The following CCDC88A variants were observed in gnomAD, a reference collection of about 807,000 sequenced individuals.
The protein encoded by CCDC88A is girdin.
A neutral mutation model predicts 234.3 loss-of-function variants in CCDC88A; 54 were observed. The observed-to-expected ratio is 0.23, with a 90% confidence interval of 0.19 to 0.29. The LOEUF is 0.29. Ranked by LOEUF, CCDC88A falls within the 10% of genes least tolerant of loss-of-function variation. The pLI, the probability that CCDC88A is intolerant of heterozygous loss-of-function variation, is 1.00. For missense variants in CCDC88A, 1,832 were observed against 2,123.4 expected (o/e 0.86, Z 2.70); for synonymous variants, 753 against 737.8 (o/e 1.02, Z -0.33).
intron 25 of CCDC88A, among the ~76,000 whole-genome samples, chr2:55,304,941 A>G (rs756650496): frequency 7.9e-5 from 12 of 152,240 alleles, no homozygotes; most frequent in Non-Finnish European, 1.5e-4. Flanking sequence ...ACTAACAAGT[A>G]TCATTTATTA....
chr2:55,355,720 C>T lies in CCDC88A; in HGVS notation c.659G>A (p.Gly220Asp). Residue 220 changes from glycine (G) to aspartate (D), a missense_variant, in exon 8 of 33, where the codon GGT becomes GAT. Physicochemically the swap from Gly to Asp is moderately conservative, Grantham distance 94. This residue lies in a region of CCDC88A where 1,282 missense variants were observed against 1,543.6 expected (regional missense o/e 0.83). Transcript: ENST00000436346. ...AGAGGCATGGGGTAGAAAATGGAGA[C>T]CATCCCGCTCTTCAGAGAGTTCTAT... Reference protein sequence around the residue: ...TIIELSEERDGLHFLPHASSS... With the variant: ...TIIELSEERDDLHFLPHASSS... The T allele has an allele frequency of 6.2e-7, 1 of 1,613,782 alleles. No homozygotes were observed.
chr2:55,412,956 C>T (rs530222624), intron 2 of CCDC88A, among the ~76,000 whole-genome samples: 1 of 152,262 alleles, frequency 6.6e-6, no homozygotes, highest in East Asian at 1.9e-4. Context: ...TAATGCCAGC[C>T]ACTTTGGGAA....
chr2:55,290,237 G>C lies in CCDC88A; in HGVS notation c.*963C>G, dbSNP rs1679351899. On this transcript the variant is annotated 3_prime_UTR_variant, in exon 33 of 33. Coordinates refer to ENST00000436346, the MANE Select transcript of CCDC88A (RefSeq NM_001365480.1). ...AGAAAAAAATCATTAATAAATGATA[G>C]CCTTAATTATAAATGAGTTTCTGGC... 1 of 152,360 alleles carries C rather than the reference G, an allele frequency of 6.6e-6. No homozygotes were observed. The highest frequency in any genetic ancestry group is 2.1e-4 in the South Asian group (1 of 4,828). 9.4% of individuals were successfully genotyped at this position (152,360 alleles called of 1,614,324 possible).
At chr2:55,391,994 A>G (rs1239793808) in intron 2 of CCDC88A, among the ~76,000 whole-genome samples, 2 of 152,162 alleles carry the variant, frequency 1.3e-5, no homozygotes, top group Non-Finnish European at 2.9e-5. Context: ...GACATTTTAG[A>G]AGGGTTGCAG....
At position 55,369,740 on chromosome 2, in the gene CCDC88A, T is replaced by C. The variant is rs150621122; in HGVS notation, c.402+2712A>G. On this transcript the variant is annotated intron_variant, in intron 5 of 32. Coordinates refer to ENST00000436346, the MANE Select transcript of CCDC88A (RefSeq NM_001365480.1). ...TGGCCCAACCACACTTCATGTTCCT[T>C]GAATAGGGTGTTTTCTCAACATCTT... Among the ~76,000 whole-genome samples, 8 of 152,190 alleles carry C rather than the reference T, an allele frequency of 5.3e-5. No individual in the cohort carries two copies. The East Asian group carries it at 1.5e-3, about 29-fold the overall frequency.
chr2:55,327,978 C>T (rs1684471125), intron 17 of CCDC88A, among the ~76,000 whole-genome samples: 1 of 152,088 alleles, frequency 6.6e-6, no homozygotes, highest in East Asian at 1.9e-4. Context: ...GAAAGAGTGA[C>T]AGAGTGAAAT....
intron 9 of CCDC88A, among the ~76,000 whole-genome samples, chr2:55,347,495 G>T (rs1457724572): frequency 1.3e-5 from 2 of 151,488 alleles, no homozygotes; most frequent in African/African-American, 4.9e-5. Flanking sequence ...TATTAAGCAA[G>T]GTATTAAAGA....
chr2:55,384,521 ATATATATATACATATATACG>A (rs746603233), intron 3 of CCDC88A, among the ~76,000 whole-genome samples: 10,175 of 20,964 alleles, frequency 0.49, 2,811 homozygotes, highest in Admixed American at 0.6. Flanking sequence ...TATATAAATT[ATATATATATACATATATACG>A]TATATATGTG....
chr2:55,352,075 G>A (rs1199517619), intron 8 of CCDC88A, among the ~76,000 whole-genome samples: 1 of 152,150 alleles, frequency 6.6e-6, no homozygotes, highest in Admixed American at 6.6e-5. Flanking sequence ...TGAGGGCAAA[G>A]GGGGACAGAC....
Position 55,401,796 on chromosome 2 carries a change from G to A in CCDC88A, c.165-12910C>T, listed in dbSNP as rs183009516. Among the ~76,000 whole-genome samples, 8 of 151,748 alleles carry A rather than the reference G, an allele frequency of 5.3e-5. No homozygotes were observed. The East Asian group carries it at 7.7e-4, about 15-fold the overall frequency. ...TTTGGACACATTAAGTTACCTTTTC[G>A]AAAGTTGGAAAATCTATGACATTTT... On this transcript the variant is annotated intron_variant, in intron 2 of 32. Coordinates refer to ENST00000436346, the MANE Select transcript of CCDC88A (RefSeq NM_001365480.1).
At chr2:55,339,871 A>T in intron 12 of CCDC88A, 1 of 378,622 alleles carries the variant, frequency 2.6e-6, no homozygotes, top group Non-Finnish European at 4.6e-6. Context: ...TCTCTCTGTC[A>T]CCCAGGCTGG....
At chr2:55,418,795 A>G in intron 2 of CCDC88A, 21 bp downstream of exon 2, 1 of 1,571,220 alleles carries the variant, frequency 6.4e-7, no homozygotes, top group Non-Finnish European at 8.8e-7. Flanking sequence ...AACGTTACCT[A>G]GGAAAGAAGG....
intron 3 of CCDC88A, among the ~76,000 whole-genome samples, chr2:55,386,425 C>T (rs980821346): frequency 2.2e-5 from 2 of 92,128 alleles, no homozygotes; most frequent in Non-Finnish European, 4.7e-5. Flanking sequence ...CATAGTGAGA[C>T]TCTGTCTCTT....
At chr2:55,360,274 T>C (rs1038169850) in intron 7 of CCDC88A, among the ~76,000 whole-genome samples, 4 of 152,160 alleles carry the variant, frequency 2.6e-5, no homozygotes, top group Non-Finnish European at 5.9e-5. Context: ...GTGAAACAAT[T>C]ATAACAAAAG....
In CCDC88A at chr2:55,317,444, T is replaced by C. The variant is rs745526477; in HGVS notation, c.3603-95A>G. Reference sequence around the variant, plus strand: ...TAATGAGTATCATTTAAAACACATGTAAATTTATATAAATTTCTTATGTAA... The same window carrying C: ...TAATGAGTATCATTTAAAACACATGCAAATTTATATAAATTTCTTATGTAA... On this transcript the variant is annotated intron_variant, in intron 20 of 32. Transcript: ENST00000436346. The surrounding 1 kb of genome is among the most constrained non-coding windows in gnomAD (Gnocchi z 4.2). 1 of 1,144,476 alleles carries C rather than the reference T, an allele frequency of 8.7e-7. No individual in the cohort carries two copies. Among genetic ancestry groups the C allele is most frequent in the South Asian group, 2.4e-5 (1 of 42,028 alleles). 70.9% of individuals were successfully genotyped at this position (1,144,476 alleles called of 1,614,324 possible).
chr2:55,392,964 TTTG>T (rs1236060872), intron 2 of CCDC88A, among the ~76,000 whole-genome samples: 4 of 152,188 alleles, frequency 2.6e-5, no homozygotes, highest in South Asian at 2.1e-4. Flanking sequence ...GCCCCTTTCC[TTTG>T]TTGTTGTTTT....
intron 8 of CCDC88A, among the ~76,000 whole-genome samples, chr2:55,353,221 G>T (rs1558725859): frequency 6.6e-6 from 1 of 152,064 alleles, no homozygotes; most frequent in Non-Finnish European, 1.5e-5. Flanking sequence ...AATTAAATTT[G>T]AACACAGTGC....
At chr2:55,395,073 T>G (rs1677304851) in intron 2 of CCDC88A, among the ~76,000 whole-genome samples, 1 of 152,178 alleles carries the variant, frequency 6.6e-6, no homozygotes, top group African/African-American at 2.4e-5. Flanking sequence ...CTCAAACTCC[T>G]GACCTCAAGT....
intron 31 of CCDC88A, chr2:55,294,942 C>T (rs1679846690): frequency 8.4e-7 from 1 of 1,190,960 alleles, no homozygotes; most frequent in African/African-American, 1.6e-5. Flanking sequence ...CACTGTGCAA[C>T]AATTTTAAAT....
Sources: allele counts gnomAD v4.1 joint callset (sites outside exome capture counted in the v4.1 genomes callset), GRCh38; gene constraint gnomAD v4.1.1; regional missense constraint gnomAD v4.1.1; non-coding constraint Gnocchi (gnomAD v3.1); transcripts MANE v1.5; gene names NCBI Gene and HGNC (gene_info 2026-07-23, HGNC 2026-07-21).